The following HEATR5A variants were observed in gnomAD, a reference collection of about 807,000 sequenced individuals.
HEATR5A encodes HEAT repeat containing 5A, also known as HEAT repeat-containing protein 5A.
HEATR5A carries 178 observed loss-of-function variants against 218.8 expected under a neutral mutation model. That is an observed-to-expected ratio of 0.81 (90% CI 0.72 to 0.92). The LOEUF (loss-of-function observed/expected upper bound fraction) is 0.92. HEATR5A is among the 40% of genes least tolerant of loss of function. The pLI, the probability that HEATR5A is intolerant of heterozygous loss-of-function variation, is 0.00. For synonymous variants in HEATR5A, 864 were observed against 871.6 expected (o/e 0.99, Z 0.15); for missense variants, 2,420 against 2,418.9 (o/e 1.00, Z -0.01).
intron 1 of HEATR5A, among the ~76,000 whole-genome samples, chr14:31,409,854 A>G (rs1271873003): frequency 6.6e-6 from 1 of 152,208 alleles, no homozygotes; most frequent in Non-Finnish European, 1.5e-5. Context: ...AACTGCTAAT[A>G]TAATTTTCTC....
intron 27 of HEATR5A, among the ~76,000 whole-genome samples, chr14:31,314,844 G>C (rs572810741): frequency 6.6e-6 from 1 of 152,290 alleles, no homozygotes; most frequent in Non-Finnish European, 1.5e-5. Context: ...TAATCTCTTA[G>C]ATGAAATCTG....
chr14:31,293,572 GGAA>G lies in HEATR5A; in HGVS notation c.5871_5873del (p.Ser1958del). ...CCAGAGAATTTTCATCCAAAAGGAA[GGAA>G]ATGAGGATGGGCAAAAGACAGGCCA... On this transcript the variant is annotated inframe_deletion, in exon 36 of 36. Coordinates refer to ENST00000543095, the MANE Select transcript of HEATR5A (RefSeq NM_015473.4). 1 of 1,613,358 alleles carries G rather than the reference GGAA, an allele frequency of 6.2e-7. No individual in the cohort carries two copies. Among genetic ancestry groups the G allele is most frequent in the Non-Finnish European group, 8.5e-7 (1 of 1,179,664 alleles).
chr14:31,336,231 T>C (rs1189064628), intron 22 of HEATR5A, among the ~76,000 whole-genome samples: 5 of 68,356 alleles, frequency 7.3e-5, no homozygotes, highest in African/African-American at 4.6e-4. Flanking sequence ...TATATATATA[T>C]ATATATATAT....
chr14:31,415,270 G>A (rs1234847915), intron 1 of HEATR5A, among the ~76,000 whole-genome samples: 1 of 152,210 alleles, frequency 6.6e-6, no homozygotes, highest in Non-Finnish European at 1.5e-5. Flanking sequence ...CTCCCTGCCA[G>A]ATGTCCAGCT....
chr14:31,347,993 C>T (rs374388927), intron 18 of HEATR5A, 86 bp from the exon 19 acceptor site: 1 of 812,076 alleles, frequency 1.2e-6, no homozygotes. Flanking sequence ...GTCACTTAGG[C>T]AAAACTTTTT....
At chr14:31,350,035 G>T in intron 17 of HEATR5A, 56 bp from the exon 18 acceptor site, 1 of 1,206,254 alleles carries the variant, frequency 8.3e-7, no homozygotes, top group Non-Finnish European at 1.1e-6. Flanking sequence ...CTCATATCCA[G>T]TTAGGAATGT....
intron 20 of HEATR5A, 84 bp from the exon 21 acceptor site, chr14:31,344,149 C>T (rs1285314931): frequency 1.0e-5 from 8 of 773,504 alleles, no homozygotes; most frequent in Admixed American, 7.6e-5. Context: ...TTAAAATTTA[C>T]TTCCAGTTTA....
At chr14:31,325,912 G>T in intron 23 of HEATR5A, 1 of 511,994 alleles carries the variant, frequency 2.0e-6, no homozygotes, top group Non-Finnish European at 3.5e-6. Context: ...TTTTTAATTT[G>T]TTTTATATAG....
chr14:31,385,418 C>G (rs999188677), intron 9 of HEATR5A, among the ~76,000 whole-genome samples: 1 of 152,146 alleles, frequency 6.6e-6, no homozygotes, highest in Non-Finnish European at 1.5e-5. Context: ...CGTGAGCCAC[C>G]ATGCCAGGCC....
At chr14:31,384,923 C>CTAACTACAAAGACAGTGAAG (rs1279622461) in intron 9 of HEATR5A, among the ~76,000 whole-genome samples, 4 of 152,118 alleles carry the variant, frequency 2.6e-5, no homozygotes, top group African/African-American at 9.7e-5. Context: ...TACTAACCAA[C>CTAACTACAAAGACAGTGAAG]TAACTACAAA....
At chr14:31,314,398 C>G (rs1899851933) in intron 27 of HEATR5A, among the ~76,000 whole-genome samples, 2 of 151,794 alleles carry the variant, frequency 1.3e-5, no homozygotes, top group Admixed American at 1.3e-4. Flanking sequence ...GATTTACAGG[C>G]ATATGCCACC....
chr14:31,368,127 TG>T (rs1200584798), intron 13 of HEATR5A, among the ~76,000 whole-genome samples: 2 of 152,088 alleles, frequency 1.3e-5, no homozygotes, highest in African/African-American at 4.8e-5. Flanking sequence ...CCCTCACAAA[TG>T]GATTAATGTC....
chr14:31,327,461 T>G (rs891111146), intron 22 of HEATR5A, among the ~76,000 whole-genome samples: 5 of 151,478 alleles, frequency 3.3e-5, no homozygotes, highest in African/African-American at 1.2e-4. Flanking sequence ...GCCCTGCTAA[T>G]TTTTGTATTT....
Position 31,403,066 on chromosome 14 carries a change from T to C in HEATR5A, c.-74-17A>G. 8.4e-7 allele frequency: 1 copy of C among 1,186,134 alleles called. No homozygotes were observed. The highest frequency in any genetic ancestry group is 1.9e-5 in the South Asian group (1 of 52,908). The allele number at this position is 1,186,134 out of a possible 1,614,324, so 73.5% of individuals were successfully genotyped here. ...AATAAAAATCTGCAATACAGGAAAA[T>C]AATGTATTTTAAAAGGGGGGTAAAA... On this transcript the variant is annotated splice_polypyrimidine_tract_variant and intron_variant, in intron 1 of 35. Transcript: ENST00000543095.
At chr14:31,403,247 G>A (rs909632489) in intron 1 of HEATR5A, among the ~76,000 whole-genome samples, 198 bp from the exon 2 acceptor site, 1 of 152,054 alleles carries the variant, frequency 6.6e-6, no homozygotes, top group Admixed American at 6.6e-5. Context: ...CAAGCAGACA[G>A]GCAAAAATAG....
At chr14:31,315,696 T>C (rs1899891510) in intron 27 of HEATR5A, 74 bp downstream of exon 27, 1 of 1,111,418 alleles carries the variant, frequency 9.0e-7, no homozygotes, top group East Asian at 2.4e-5. Context: ...TTTTAAACAG[T>C]AAATTTCAGT....
At chr14:31,418,561 C>T (rs913453091) in intron 1 of HEATR5A, among the ~76,000 whole-genome samples, 2 of 152,220 alleles carry the variant, frequency 1.3e-5, no homozygotes, top group African/African-American at 2.4e-5. Flanking sequence ...TTAAGTGACA[C>T]AGGCAAGTCT....
In HEATR5A at chr14:31,337,546, TTG is replaced by T. The variant is rs1490794090; in HGVS notation, c.3295_3296del (p.Gln1099LysfsTer5). 1.9e-6 allele frequency: 3 copies of T among 1,581,274 alleles called. No individual in the cohort carries two copies. The highest frequency in any genetic ancestry group is 2.6e-6 in the Non-Finnish European group (3 of 1,162,968). ...AVLACLRQLV[Q>X]REAAEVSEHA... The stretch of plus-strand genomic sequence containing the variant: ...GTTCTGAAACTTCAGCTGCTTCTCT[TTG>T]TACAAGCTGACGTAAGCAAGCCAGT... On this transcript the variant is annotated frameshift_variant, in exon 22 of 36. Coordinates refer to ENST00000543095, the MANE Select transcript of HEATR5A (RefSeq NM_015473.4). LOFTEE classifies it high-confidence loss of function.
rs146663165 is a variant in HEATR5A at position 31,339,311 on chromosome 14, G to A, written c.3229-1697C>T. Among the ~76,000 whole-genome samples, 41 of 150,844 alleles carry A rather than the reference G, an allele frequency of 2.7e-4. 1 individual carries two copies. Among genetic ancestry groups the A allele is most frequent in the East Asian group, 2.0e-3 (10 of 5,102 alleles). ...CTAGTAACATAAAAATTAGCTGGGC[G>A]TGGTGGCACACACCTGTAGTCCCAG... is the stretch of plus-strand genomic sequence containing the variant. On this transcript the variant is annotated intron_variant, in intron 21 of 35. Transcript: ENST00000543095.
Sources: allele counts gnomAD v4.1 joint callset (sites outside exome capture counted in the v4.1 genomes callset), GRCh38; gene constraint gnomAD v4.1.1; transcripts MANE v1.5; gene names NCBI Gene and HGNC (gene_info 2026-07-23, HGNC 2026-07-21).